Variants in ZP2 observed in about 807,000 individuals in gnomAD.
The protein encoded by ZP2 is zona pellucida sperm-binding protein 2.
In ZP2, 51 loss-of-function variants were observed where a neutral mutation model predicts 84.0. That is an observed-to-expected ratio of 0.61 (90% CI 0.49 to 0.77). ZP2 has a LOEUF of 0.77. ZP2 is among the 30% of genes least tolerant of loss of function. The probability of loss-of-function intolerance (pLI) is 0.00; values close to 1 mark genes in which losing one functional copy is unlikely to be tolerated. For synonymous variants in ZP2, 375 were observed against 330.9 expected, an observed-to-expected ratio of 1.13 and a Z score of -1.45; for missense variants, 909 against 911.9, an observed-to-expected ratio of 1.00 and a Z score of 0.04.
At chr16:21,199,929 A>T (rs961645340) in intron 14 of ZP2, 51 bp from the exon 15 acceptor site, 76 of 1,605,532 alleles carry the variant, frequency 4.7e-5, no homozygotes, top group Non-Finnish European at 6.3e-5. Context: ...TCTTGGAGTC[A>T]AATTCAATGT....
chr16:21,204,389 G>A lies in ZP2; in HGVS notation c.709C>T (p.Leu237Phe), dbSNP rs1216027751. ...GTAAGCTTCAGAGACACCATGTAGA[G>A]ATGACTGTTACCTTGCTAGGGGGAG... is the stretch of plus-strand genomic sequence containing the variant. Reference protein sequence around the residue: ...VTHYVQGNSHLYMVSLKLTFI... With the variant: ...VTHYVQGNSHFYMVSLKLTFI... Residue 237 changes from leucine to phenylalanine, a missense_variant, in exon 8 of 19, where the codon CTC (leucine) becomes TTC (phenylalanine). Transcript: ENST00000574091. The A allele has an allele frequency of 3.7e-6, 6 of 1,613,900 alleles. 1 individual carries two copies. In the South Asian group the frequency reaches 6.6e-5, roughly 18 times the overall value.
chr16:21,205,846 G>A (rs988485182), intron 5 of ZP2, 71 bp from the exon 6 acceptor site: 15 of 1,530,640 alleles, frequency 9.8e-6, no homozygotes, highest in African/African-American at 2.8e-5. Context: ...GCCAGAAATT[G>A]CTGTGTGGTT....
intron 4 of ZP2, 24 bp downstream of exon 4, chr16:21,209,607 G>T: frequency 6.2e-7 from 1 of 1,609,152 alleles, no homozygotes; most frequent in South Asian, 1.1e-5. Context: ...ACTTCCCCAA[G>T]AACTGCTCAA....
chr16:21,203,341 G>T, intron 9 of ZP2, 90 bp from the exon 10 acceptor site: 1 of 1,555,400 alleles, frequency 6.4e-7, no homozygotes, highest in Non-Finnish European at 8.7e-7. Context: ...CTAAATACTT[G>T]CAGGACACAC....
intron 3 of ZP2, 128 bp downstream of exon 3, chr16:21,209,981 C>G (rs1489710152): frequency 2.3e-6 from 2 of 853,142 alleles, no homozygotes; most frequent in Non-Finnish European, 1.9e-6. Context: ...TCAGGTATCC[C>G]CATGGCATCA....
At chr16:21,210,297 G>C (rs1597591309) in intron 2 of ZP2, 105 bp from the exon 3 acceptor site, 2 of 876,232 alleles carry the variant, frequency 2.3e-6, no homozygotes, top group Admixed American at 3.8e-5. Flanking sequence ...GATGAGGGAG[G>C]CAAGAATCGT....
intron 3 of ZP2, 188 bp downstream of exon 3, chr16:21,209,919 GAC>G (rs2093266730): frequency 4.3e-6 from 3 of 693,022 alleles, no homozygotes; most frequent in South Asian, 1.8e-5. Context: ...GCTGGCATAA[GAC>G]ACACTTTCGA....
intron 14 of ZP2, 25 bp from the exon 15 acceptor site, chr16:21,199,903 A>T: frequency 6.2e-7 from 1 of 1,611,536 alleles, no homozygotes; most frequent in Non-Finnish European, 8.5e-7. Flanking sequence ...CCAGGGAGGG[A>T]TGTCAGTCAT....
intron 16 of ZP2, among the ~76,000 whole-genome samples, chr16:21,199,085 G>A (rs961440566): frequency 6.6e-6 from 1 of 152,124 alleles, no homozygotes; most frequent in Non-Finnish European, 1.5e-5. Context: ...GGAGGCCGAG[G>A]TAGGTGGATC....
chr16:21,197,543 A>T lies in ZP2; in HGVS notation c.2175T>A (p.Gly725=). 6.2e-7 allele frequency: 1 copy of T among 1,614,106 alleles called. No homozygotes were observed. Among genetic ancestry groups the T allele is most frequent in the Non-Finnish European group, 8.5e-7 (1 of 1,180,020 alleles). ...AGATGAAGCCTAGAGTTGCCACCACACCTGCAAAGGCAGCCACAGCAGCCA... is the reference window on the plus strand; with the variant it reads ...AGATGAAGCCTAGAGTTGCCACCACTCCTGCAAAGGCAGCCACAGCAGCCA... ...KAVAAVAAFA[G]VVATLGFIYY... The change falls in exon 19 of 19, where the codon GGT becomes GGA. Residue 725 remains glycine (G), a synonymous_variant. Coordinates refer to ENST00000574091, the MANE Select transcript of ZP2 (RefSeq NM_001376232.1).
intron 9 of ZP2, 31 bp from the exon 10 acceptor site, chr16:21,203,282 C>A (rs751262159): frequency 4.3e-6 from 7 of 1,610,480 alleles, no homozygotes; most frequent in Non-Finnish European, 5.9e-6. Context: ...TTAGCAGCCA[C>A]AGTCCGTTGG....
upstream of ZP2, chr16:21,214,172 G>A (rs1278018850): frequency 1.1e-5 from 10 of 914,108 alleles, no homozygotes; most frequent in African/African-American, 1.8e-5. Context: ...GAGAAAGCCC[G>A]CTGTGGGCTG....
Position 21,205,564 on chromosome 16 carries a change from T to A in ZP2, c.549A>T (p.Gly183=). Residue 183 remains glycine, a synonymous_variant, in exon 7 of 19, where the codon GGA becomes GGT. Transcript: ENST00000574091. The part of the protein sequence containing the change: ...DDSKGTKVQM[G]WSIEVGDGAR... ...CACCATCACCAACCTCAATGCTCCATCCCATCTGAACTTTGGTCCCCTGAA... is the reference window on the plus strand; with the variant it reads ...CACCATCACCAACCTCAATGCTCCAACCCATCTGAACTTTGGTCCCCTGAA... 1 of 1,614,128 alleles carries A rather than the reference T, an allele frequency of 6.2e-7. No homozygotes were observed. Among genetic ancestry groups the A allele is most frequent in the Middle Eastern group, 1.6e-4 (1 of 6,062 alleles).
At chr16:21,200,972 G>A (rs188257069) in intron 14 of ZP2, among the ~76,000 whole-genome samples, 4 of 152,288 alleles carry the variant, frequency 2.6e-5, no homozygotes, top group Admixed American at 2.0e-4. Flanking sequence ...GCCAAGGTAG[G>A]TGGATCACCT....
intron 5 of ZP2, 25 bp downstream of exon 5, chr16:21,206,813 C>T (rs369018160): frequency 4.6e-5 from 75 of 1,613,746 alleles, no homozygotes; most frequent in African/African-American, 8.0e-5. Context: ...CCATATACCC[C>T]GAGCAGTCAG....
intron 9 of ZP2, chr16:21,203,745 A>C (rs1206207159): frequency 2.0e-6 from 1 of 490,050 alleles, no homozygotes; most frequent in Non-Finnish European, 3.7e-6. Flanking sequence ...GGTATTTGAC[A>C]AGTAGTTGCT....
rs150376167 is a variant in ZP2, at chr16:21,207,070, G to A, written c.331-80C>T. The A allele has an allele frequency of 5.7e-4, 880 of 1,552,804 alleles. 2 individuals are homozygous for A. In the African/African-American group the frequency reaches 0.01, roughly 18 times the overall value. On this transcript the variant is annotated intron_variant, in intron 4 of 18. Coordinates refer to ENST00000574091, the MANE Select transcript of ZP2 (RefSeq NM_001376232.1). ...CTAGAATACCATCTGACCCATCTGA[G>A]TGGGAAAACCCTTAAAGTTACTAAT...
At chr16:21,208,186 C>T (rs991843484) in intron 4 of ZP2, among the ~76,000 whole-genome samples, 3 of 152,208 alleles carry the variant, frequency 2.0e-5, no homozygotes, top group Non-Finnish European at 4.4e-5. Context: ...CCACTACTTT[C>T]CAGCCTGGGC....
Position 21,204,350 on chromosome 16 carries a change from C to T in ZP2, c.748G>A (p.Gly250Arg), listed in dbSNP as rs894105056. ...VSLKLTFISPGQKVIFSSQAI... is the reference protein window; with the variant it reads ...VSLKLTFISPRQKVIFSSQAI... ...TGTGAAGAGAAGATCACCTTCTGTCCAGGAGATATAAATGTAAGCTTCAGA... is the reference window on the plus strand; with the variant it reads ...TGTGAAGAGAAGATCACCTTCTGTCTAGGAGATATAAATGTAAGCTTCAGA... Residue 250 changes from glycine to arginine, a missense_variant, in exon 8 of 19, where the codon GGA becomes AGA. Transcript: ENST00000574091. The T allele has an allele frequency of 9.3e-6, 15 of 1,613,996 alleles. No individual in the cohort carries two copies. The East Asian group carries it at 2.9e-4, about 31-fold the overall frequency.
Sources: allele counts gnomAD v4.1 joint callset (sites outside exome capture counted in the v4.1 genomes callset), GRCh38; gene constraint gnomAD v4.1.1; transcripts MANE v1.5; gene names NCBI Gene and HGNC (gene_info 2026-07-23, HGNC 2026-07-21).